Variants in JPH2 observed in about 807,000 individuals in gnomAD.
JPH2 encodes the protein junctophilin 2.
Under a neutral mutation model 55.9 loss-of-function variants are expected in JPH2, and 38 were observed. The observed-to-expected ratio is 0.68, with a 90% CI of 0.52 to 0.89. The LOEUF is 0.89. Ranked by LOEUF, JPH2 falls within the 40% of genes least tolerant of loss-of-function variation. The pLI, the probability that JPH2 is intolerant of heterozygous loss-of-function variation, is 0.00. For synonymous variants in JPH2, 480 were observed against 472.4 expected, an observed-to-expected ratio of 1.02 and a Z score of -0.21; for missense variants, 964 against 1,037.6, an observed-to-expected ratio of 0.93 and a Z score of 0.97.
chr20:44,164,030 C>G (rs145106724), intron 1 of JPH2, among the ~76,000 whole-genome samples: 46 of 152,340 alleles, frequency 3.0e-4, no homozygotes, highest in African/African-American at 1.1e-3. Context: ...AATATGACCT[C>G]TATTTCATAG....
chr20:44,115,931 C>G lies in JPH2; in HGVS notation c.1744G>C (p.Glu582Gln). 1 of 1,570,642 alleles carries G rather than the reference C, an allele frequency of 6.4e-7. No individual in the cohort carries two copies. Among genetic ancestry groups the G allele is most frequent in the Non-Finnish European group, 8.6e-7 (1 of 1,164,970 alleles). ...RTTPPEPPPF[E>Q]DQPEPEVSGS... Reference sequence around the variant, plus strand: ...GAGACCTCGGGCTCGGGCTGGTCCTCAAAGGGTGGGGGCTCGGGCGGCGTG... The same window carrying G: ...GAGACCTCGGGCTCGGGCTGGTCCTGAAAGGGTGGGGGCTCGGGCGGCGTG... The change falls in exon 4 of 6, where the codon GAG becomes CAG. Residue 582 changes from glutamate to glutamine, a missense_variant. Transcript: ENST00000372980.
At chr20:44,134,340 A>AATATTTATTATAAATATATAATAT (rs1569193688) in intron 2 of JPH2, among the ~76,000 whole-genome samples, 7 of 1,990 alleles carry the variant, frequency 3.5e-3, no homozygotes, top group African/African-American at 0.015. Context: ...ATATATAATA[A>AATATTTATTATAAATATATAATAT]ATATTTATTA....
rs2072139043 is a variant in JPH2, at chr20:44,111,021, C to T, written c.*2497G>A. Among the ~76,000 whole-genome samples the T allele has an allele frequency of 1.3e-5, 2 of 152,246 alleles. No individual in the cohort carries two copies. Among genetic ancestry groups the T allele is most frequent in the South Asian group, 4.1e-4 (2 of 4,834 alleles). On this transcript the variant is annotated 3_prime_UTR_variant, in exon 6 of 6. Transcript: ENST00000372980. ...CCGGCTGTGAGAGTAACTTCATGGGCAGTACTTATTCCTAAAAAGTCAAGA... is the reference window on the plus strand; with the variant it reads ...CCGGCTGTGAGAGTAACTTCATGGGTAGTACTTATTCCTAAAAAGTCAAGA...
intron 2 of JPH2, among the ~76,000 whole-genome samples, chr20:44,136,390 TCC>T (rs2072413392): frequency 6.6e-6 from 1 of 152,062 alleles, no homozygotes; most frequent in South Asian, 2.1e-4. Flanking sequence ...CCTATTCTGC[TCC>T]CTGGGTGCAA....
At chr20:44,150,012 C>T (rs1013869761) in intron 2 of JPH2, among the ~76,000 whole-genome samples, 22 of 150,068 alleles carry the variant, frequency 1.5e-4, no homozygotes, top group Admixed American at 7.9e-4. Context: ...TCATGCTAAC[C>T]GGACATTACA....
intron 2 of JPH2, among the ~76,000 whole-genome samples, chr20:44,158,240 G>T (rs2072579567): frequency 6.6e-6 from 1 of 152,216 alleles, no homozygotes; most frequent in Admixed American, 6.5e-5. Context: ...AGCCCTGAAG[G>T]AGGAGTAGAG....
intron 2 of JPH2, among the ~76,000 whole-genome samples, chr20:44,148,172 C>T (rs2072505725): frequency 6.7e-6 from 1 of 150,220 alleles, no homozygotes; most frequent in African/African-American, 2.5e-5. Flanking sequence ...CAAATAACAG[C>T]AACAACAACA....
At chr20:44,170,347 T>C (rs2145888067) in intron 1 of JPH2, among the ~76,000 whole-genome samples, 1 of 152,366 alleles carries the variant, frequency 6.6e-6, no homozygotes, top group East Asian at 1.9e-4. Flanking sequence ...ATCTTGCCTG[T>C]TTTGTCTACC....
rs71195518 is a variant in JPH2, at chr20:44,132,399, C to CACACAGACAG, written c.1170-13777_1170-13776insCTGTCTGTGT. On this transcript the variant is annotated intron_variant, in intron 2 of 5. Coordinates refer to ENST00000372980, the MANE Select transcript of JPH2 (RefSeq NM_020433.5). ...ACACACACACACACACACACACACA[C>CACACAGACAG]ACATTTGGGCTGGTTATTTTCCTTT... Among the ~76,000 whole-genome samples, 16 of 130,448 alleles carry CACACAGACAG rather than the reference C, an allele frequency of 1.2e-4. 2 individuals carry two copies. Among genetic ancestry groups the CACACAGACAG allele is most frequent in the African/African-American group, 4.0e-4 (13 of 32,170 alleles). The allele number at this position is 130,448 out of a possible 152,430, so 85.6% of individuals were successfully genotyped here.
At chr20:44,150,088 T>A (rs1176789340) in intron 2 of JPH2, among the ~76,000 whole-genome samples, 3 of 149,062 alleles carry the variant, frequency 2.0e-5, no homozygotes, top group African/African-American at 7.4e-5. Context: ...GCCAGAAAAA[T>A]CTAATCTGAA....
chr20:44,164,648 C>G (rs2072641065), intron 1 of JPH2, among the ~76,000 whole-genome samples: 2 of 151,846 alleles, frequency 1.3e-5, no homozygotes, highest in African/African-American at 4.8e-5. Context: ...AGCTGTGTGA[C>G]TCCAGTTACA....
chr20:44,154,756 G>A (rs1051342067), intron 2 of JPH2, among the ~76,000 whole-genome samples: 1 of 152,200 alleles, frequency 6.6e-6, no homozygotes, highest in Non-Finnish European at 1.5e-5. Context: ...GAGAGTCCCT[G>A]CGGAAGATGG....
rs2145838656 is a variant in JPH2, at chr20:44,116,163, G to A, written c.1512C>T (p.Asp504=). Residue 504 remains aspartate, a synonymous_variant, in exon 4 of 6, where the codon GAC becomes GAT. Coordinates refer to ENST00000372980, the MANE Select transcript of JPH2 (RefSeq NM_020433.5). ...TCCAGGCGCCTGGGCTCAGCAGGCC[G>A]TCCTTGGACACCCCGGGCCTGGGCC... ...PKRPRPGVSK[D]GLLSPGAWNG... 7.1e-7 allele frequency: 1 copy of A among 1,415,420 alleles called. No individual in the cohort carries two copies. The highest frequency in any genetic ancestry group is 9.1e-7 in the Non-Finnish European group (1 of 1,095,228). The allele number at this position is 1,415,420 out of a possible 1,614,324, so 87.7% of individuals were successfully genotyped here.
intron 1 of JPH2, among the ~76,000 whole-genome samples, chr20:44,173,862 G>A (rs967104970): frequency 1.3e-5 from 2 of 152,110 alleles, no homozygotes; most frequent in African/African-American, 4.8e-5. Context: ...GCAGTTAGCC[G>A]AGATCGTACC....
At chr20:44,169,406 C>T (rs2072681159) in intron 1 of JPH2, among the ~76,000 whole-genome samples, 1 of 152,158 alleles carries the variant, frequency 6.6e-6, no homozygotes, top group South Asian at 2.1e-4. Flanking sequence ...TCTCGAACTC[C>T]TGACCTCATG....
At chr20:44,141,098 T>A (rs73908574) in intron 2 of JPH2, among the ~76,000 whole-genome samples, 6,593 of 152,158 alleles carry the variant, frequency 0.043, 374 homozygotes, top group African/African-American at 0.13. Flanking sequence ...GATATTAAGG[T>A]CACAGTCTTC....
chr20:44,109,456 A>G lies in JPH2; in HGVS notation c.*4062T>C, dbSNP rs2072127146. Among the ~76,000 whole-genome samples the G allele has an allele frequency of 6.6e-6, 1 of 152,210 alleles. No individual in the cohort carries two copies. On this transcript the variant is annotated 3_prime_UTR_variant, in exon 6 of 6. Coordinates refer to ENST00000372980, the MANE Select transcript of JPH2 (RefSeq NM_020433.5). Reference sequence around the variant, plus strand: ...AAGGGACAGAGCCAAGATTTGAACCAGCAACCATGTTCTGAACCACACAGC... The same window carrying G: ...AAGGGACAGAGCCAAGATTTGAACCGGCAACCATGTTCTGAACCACACAGC...
chr20:44,153,520 G>C (rs1334564883), intron 2 of JPH2, among the ~76,000 whole-genome samples: 1 of 152,206 alleles, frequency 6.6e-6, no homozygotes, highest in East Asian at 1.9e-4. Flanking sequence ...GGAGTTTCCA[G>C]AGCCAGCATG....
At chr20:44,184,352 C>T (rs773234311) in intron 1 of JPH2, among the ~76,000 whole-genome samples, 14 of 152,044 alleles carry the variant, frequency 9.2e-5, no homozygotes, top group African/African-American at 2.7e-4. Context: ...CAGGCTAGTT[C>T]GGCCCACGAC....
Sources: allele counts gnomAD v4.1 joint callset (sites outside exome capture counted in the v4.1 genomes callset), GRCh38; gene constraint gnomAD v4.1.1; transcripts MANE v1.5; gene names NCBI Gene and HGNC (gene_info 2026-07-23, HGNC 2026-07-21).